OSBPL1A: variants seen among roughly 807,000 people sequenced by gnomAD.
OSBPL1A encodes oxysterol-binding protein-related protein 1.
In OSBPL1A, 80 loss-of-function variants were observed where a neutral mutation model predicts 137.1. The observed-to-expected ratio is 0.58, with a 90% CI of 0.49 to 0.70. The LOEUF is 0.70. OSBPL1A is among the 30% of genes least tolerant of loss of function. The pLI, the probability that OSBPL1A is intolerant of heterozygous loss-of-function variation, is 0.00. For missense variants in OSBPL1A, 970 were observed against 1,129.4 expected, an observed-to-expected ratio of 0.86 and a Z score of 2.02; for synonymous variants, 365 against 389.7, an observed-to-expected ratio of 0.94 and a Z score of 0.75.
chr18:24,227,017 G>A lies in OSBPL1A; in HGVS notation c.1445-1819C>T, dbSNP rs1454735353. Among the ~76,000 whole-genome samples the A allele has an allele frequency of 6.8e-5, 10 of 148,114 alleles. No homozygotes were observed. The East Asian group carries it at 8.0e-4, about 12-fold the overall frequency. On this transcript the variant is annotated intron_variant, in intron 16 of 27. Coordinates refer to ENST00000319481, the MANE Select transcript of OSBPL1A (RefSeq NM_080597.4). ...AGCAATTCTCCTGCCTCAACCTCCC[G>A]AGTAGCTGGGACTACAGGCATGCGC...
intron 15 of OSBPL1A, among the ~76,000 whole-genome samples, chr18:24,279,624 T>G (rs193087374): frequency 6.6e-6 from 1 of 152,044 alleles, no homozygotes; most frequent in Non-Finnish European, 1.5e-5. Context: ...ATCTAAAATA[T>G]TGAAGATTAG....
chr18:24,329,237 C>A (rs2848614), intron 7 of OSBPL1A, among the ~76,000 whole-genome samples: 27,840 of 151,896 alleles, frequency 0.18, 2,744 homozygotes, highest in Middle Eastern at 0.22. Context: ...AAGGGTGAGA[C>A]CCCATCTCTA....
intron 19 of OSBPL1A, 85 bp downstream of exon 19, chr18:24,181,060 C>G (rs2086593579): frequency 2.0e-6 from 3 of 1,465,278 alleles, no homozygotes; most frequent in South Asian, 1.4e-5. Context: ...GAATTTAACA[C>G]TAATTGTGTG....
At chr18:24,213,020 C>T (rs1429534930) in intron 17 of OSBPL1A, among the ~76,000 whole-genome samples, 1 of 152,180 alleles carries the variant, frequency 6.6e-6, no homozygotes, top group Non-Finnish European at 1.5e-5. Context: ...ACAAAGTTCT[C>T]TCTGTATATC....
chr18:24,218,600 C>T (rs949314298), intron 17 of OSBPL1A, among the ~76,000 whole-genome samples: 1 of 152,080 alleles, frequency 6.6e-6, no homozygotes, highest in East Asian at 1.9e-4. Context: ...TGCACTACTG[C>T]GCCTGGCTAA....
intron 18 of OSBPL1A, among the ~76,000 whole-genome samples, chr18:24,182,411 T>C (rs768545993): frequency 6.6e-6 from 1 of 152,144 alleles, no homozygotes; most frequent in Non-Finnish European, 1.5e-5. Context: ...CTATCGACCA[T>C]TCCCTTGGGA....
chr18:24,203,244 C>T (rs1273540828), intron 17 of OSBPL1A, among the ~76,000 whole-genome samples: 4 of 152,086 alleles, frequency 2.6e-5, no homozygotes, highest in South Asian at 2.1e-4. Context: ...CCCAAAGTGC[C>T]GGGATTACAG....
chr18:24,295,751 G>A (rs6508311), intron 14 of OSBPL1A, among the ~76,000 whole-genome samples: 64,531 of 151,880 alleles, frequency 0.42, 14,440 homozygotes, highest in African/African-American at 0.52. Flanking sequence ...TGAATAGGCC[G>A]TCCTTTCCCC....
intron 15 of OSBPL1A, among the ~76,000 whole-genome samples, chr18:24,267,248 C>G (rs1254086864): frequency 2.0e-5 from 3 of 149,472 alleles, no homozygotes; most frequent in Non-Finnish European, 4.5e-5. Flanking sequence ...AAAACTGACC[C>G]AAAAAGAAAT....
At chr18:24,227,686 G>A (rs1254879697) in intron 16 of OSBPL1A, among the ~76,000 whole-genome samples, 18 of 152,070 alleles carry the variant, frequency 1.2e-4, no homozygotes, top group Admixed American at 1.2e-3. Flanking sequence ...GGTGAGAGAG[G>A]TGCTCCAGGA....
At chr18:24,234,295 C>T (rs544846819) in intron 16 of OSBPL1A, among the ~76,000 whole-genome samples, 13 of 152,206 alleles carry the variant, frequency 8.5e-5, no homozygotes, top group South Asian at 8.3e-4. Context: ...CAGCTATATC[C>T]GAAATTTCAC....
At chr18:24,316,344 A>T (rs2090734437) in intron 11 of OSBPL1A, among the ~76,000 whole-genome samples, 1 of 152,188 alleles carries the variant, frequency 6.6e-6, no homozygotes, top group South Asian at 2.1e-4. Flanking sequence ...ACACATTCAC[A>T]AAAGAAAAAT....
chr18:24,378,642 T>G (rs1906365837), intron 1 of OSBPL1A, among the ~76,000 whole-genome samples: 1 of 152,194 alleles, frequency 6.6e-6, no homozygotes, highest in South Asian at 2.1e-4. Flanking sequence ...AAATACATCT[T>G]CCAGTGAGGC....
At chr18:24,329,258 T>G (rs897683866) in intron 7 of OSBPL1A, among the ~76,000 whole-genome samples, 8 of 150,124 alleles carry the variant, frequency 5.3e-5, no homozygotes, top group African/African-American at 2.0e-4. Context: ...AGGAGAAAAT[T>G]TTTAAAAGAC....
At chr18:24,396,977 C>A (rs1353990213) in intron 1 of OSBPL1A, among the ~76,000 whole-genome samples, 1 of 152,182 alleles carries the variant, frequency 6.6e-6, no homozygotes, top group African/African-American at 2.4e-5. Flanking sequence ...ATTCAAGCAA[C>A]CTTATTTAAG....
chr18:24,339,904 G>A (rs77025995), intron 5 of OSBPL1A, among the ~76,000 whole-genome samples: 2,482 of 152,326 alleles, frequency 0.016, 30 homozygotes, highest in South Asian at 0.03. Flanking sequence ...TATAGAATGA[G>A]TGAGAAGATT....
intron 14 of OSBPL1A, among the ~76,000 whole-genome samples, chr18:24,287,033 T>C (rs2090076871): frequency 6.6e-6 from 1 of 152,084 alleles, no homozygotes; most frequent in Admixed American, 6.6e-5. Context: ...TGAATTACAT[T>C]TAAAAATTTA....
chr18:24,225,067 G>C lies in OSBPL1A; in HGVS notation c.1576C>G (p.Leu526Val), dbSNP rs1049407492. 3.7e-6 allele frequency: 6 copies of C among 1,614,054 alleles called. No individual in the cohort carries two copies. Among genetic ancestry groups the C allele is most frequent in the Non-Finnish European group, 5.1e-6 (6 of 1,180,010 alleles). Reference protein sequence around the residue: ...EEKDCGGGDALSNGIKKHRTS... With the variant: ...EEKDCGGGDAVSNGIKKHRTS... ...CTGTGTTTCTTGATGCCATTGGAGA[G>C]AGCATCTCCGCCACCACAGTCTTTT... The change falls in exon 17 of 28, where the codon CTC (leucine) becomes GTC (valine). Residue 526 changes from leucine (L) to valine (V), a missense_variant. By Grantham distance (32) the Leu-to-Val change is conservative. Transcript: ENST00000319481.
intron 16 of OSBPL1A, among the ~76,000 whole-genome samples, chr18:24,236,263 TA>T (rs2088470138): frequency 6.6e-6 from 1 of 152,046 alleles, no homozygotes; most frequent in African/African-American, 2.4e-5. Context: ...AAGCAATAAC[TA>T]AACAAAAGTC....
Sources: gnomAD v4.1 joint callset for allele counts (sites outside exome capture counted in the v4.1 genomes callset) on GRCh38, gnomAD v4.1.1 for gene constraint, MANE v1.5 for transcripts, NCBI Gene and HGNC (gene_info 2026-07-23, HGNC 2026-07-21) for gene names.